Variants in CHMP7 observed in about 807,000 individuals in gnomAD.
The protein encoded by CHMP7 is charged multivesicular body protein 7, also known as CHMP family, member 7.
Under a neutral mutation model 53.7 loss-of-function variants are expected in CHMP7, and 15 were observed. That is an observed-to-expected ratio of 0.28 (90% confidence interval 0.19 to 0.43). The LOEUF (loss-of-function observed/expected upper bound fraction) is 0.43. Among genes scored for constraint, CHMP7 ranks in the 20% least tolerant of loss-of-function variants. The probability of loss-of-function intolerance (pLI) is 1.00; values close to 1 mark genes in which losing one functional copy is unlikely to be tolerated. For missense variants in CHMP7, 527 were observed against 569.4 expected (o/e 0.93, Z 0.76); for synonymous variants, 261 against 228.0 (o/e 1.14, Z -1.30).
chr8:23,252,260 A>G (rs925529136), intron 3 of CHMP7: 9 of 136,100 alleles, frequency 6.6e-5, no homozygotes, highest in African/African-American at 2.3e-4. Context: ...ATCTCCGCTC[A>G]CTGCAAGCTC....
At chr8:23,247,274 A>G (rs923232664) in intron 2 of CHMP7, among the ~76,000 whole-genome samples, 1 of 152,124 alleles carries the variant, frequency 6.6e-6, no homozygotes, top group Admixed American at 6.5e-5. Context: ...GGTGACAGTA[A>G]TTTGCCTGGA....
intron 3 of CHMP7, among the ~76,000 whole-genome samples, chr8:23,254,314 T>C (rs148391852): frequency 1.8e-4 from 27 of 152,310 alleles, no homozygotes; most frequent in African/African-American, 5.8e-4. Context: ...ATGGTGACAT[T>C]ATTTCTTGGA....
In CHMP7 at chr8:23,260,035, G is replaced by C. The variant is rs529715325; in HGVS notation, c.1121-109G>C. 4.4e-4 allele frequency: 355 copies of C among 798,204 alleles called. 6 individuals carry two copies. In the South Asian group the frequency reaches 6.1e-3, roughly 14 times the overall value. 49.4% of individuals were successfully genotyped at this position (798,204 alleles called of 1,614,324 possible). A position where few individuals can be genotyped will look rare whatever the true frequency, so the allele number is the denominator to read the frequency against. On this transcript the variant is annotated intron_variant, in intron 9 of 10. Transcript: ENST00000397677. Reference sequence around the variant, plus strand: ...GGATTTTTTTTTAATCTGCAAGGAGGCCTGGCATCTTTTGTAAAGCTAAGC... The same window carrying C: ...GGATTTTTTTTTAATCTGCAAGGAGCCCTGGCATCTTTTGTAAAGCTAAGC...
chr8:23,249,248 G>A lies in CHMP7; in HGVS notation c.338G>A (p.Ser113Asn). 6.2e-7 allele frequency: 1 copy of A among 1,609,696 alleles called. No individual in the cohort carries two copies. The highest frequency in any genetic ancestry group is 8.5e-7 in the Non-Finnish European group (1 of 1,178,070). ...ELQRESDFMA[S>N]VDSSWISWGV... is the part of the protein sequence containing the mutation. ...CAGCGGGAGTCAGACTTCATGGCCA[G>A]TGTAGACAGCAGCTGGATCTCCTGG... Residue 113 changes from serine (S) to asparagine (N), a missense_variant, in exon 3 of 11, where the codon AGT becomes AAT. Physicochemically the swap from Ser to Asn is conservative, Grantham distance 46. Coordinates refer to ENST00000397677, the MANE Select transcript of CHMP7 (RefSeq NM_152272.5).
intron 5 of CHMP7, 115 bp from the exon 6 acceptor site, chr8:23,257,918 G>A (rs1802203142): frequency 1.4e-6 from 1 of 715,864 alleles, no homozygotes; most frequent in Non-Finnish European, 2.5e-6. Context: ...CTGGGTATTG[G>A]GTTTAGTCTT....
chr8:23,250,487 C>T (rs1414318036), intron 3 of CHMP7, among the ~76,000 whole-genome samples: 1 of 152,110 alleles, frequency 6.6e-6, no homozygotes, highest in Non-Finnish European at 1.5e-5. Flanking sequence ...TGGGCCCTGC[C>T]TAGTGACTGC....
At position 23,258,713 on chromosome 8, in the gene CHMP7, A is replaced by T; in HGVS notation, c.961-19A>T. 1 of 1,552,894 alleles carries T rather than the reference A, an allele frequency of 6.4e-7. No individual in the cohort carries two copies. Among genetic ancestry groups the T allele is most frequent in the South Asian group, 1.1e-5 (1 of 89,534 alleles). ...CCAAATGTCTGTCATTTGCACTGAT[A>T]GCTTTGCTTTGTCTTTAGGTTTTTA... On this transcript the variant is annotated intron_variant, in intron 7 of 10. Coordinates refer to ENST00000397677, the MANE Select transcript of CHMP7 (RefSeq NM_152272.5).
At chr8:23,247,775 A>G (rs1353417766) in intron 2 of CHMP7, among the ~76,000 whole-genome samples, 2 of 152,196 alleles carry the variant, frequency 1.3e-5, no homozygotes, top group Non-Finnish European at 2.9e-5. Flanking sequence ...ACAGCTAGTT[A>G]AAGGTGATAC....
chr8:23,251,096 G>A (rs1801912331), intron 3 of CHMP7, among the ~76,000 whole-genome samples: 1 of 152,282 alleles, frequency 6.6e-6, no homozygotes, highest in African/African-American at 2.4e-5. Context: ...CCTCTCTGCG[G>A]TCTTTCTGTC....
Position 23,246,690 on chromosome 8 carries a change from G to T in CHMP7, c.-6G>T. 1 of 1,547,314 alleles carries T rather than the reference G, an allele frequency of 6.5e-7. No homozygotes were observed. On this transcript the variant is annotated 5_prime_UTR_variant, in exon 2 of 11. Coordinates refer to ENST00000397677, the MANE Select transcript of CHMP7 (RefSeq NM_152272.5). ...TGTTCGCAGCCTTGCCGGGGCTGGG[G>T]TTCCGATGTGGTCCCCGGAGCGGGA...
In CHMP7 at chr8:23,258,342, C is replaced by G. The variant is rs763408180; in HGVS notation, c.853C>G (p.Leu285Val). 2 of 1,614,212 alleles carry G rather than the reference C, an allele frequency of 1.2e-6. No individual in the cohort carries two copies. Among genetic ancestry groups the G allele is most frequent in the East Asian group, 4.5e-5 (2 of 44,868 alleles). ...TCCATGCCTCCAGGCACTGAGGTCT[C>G]TCAAGGCCAAGCAACGGACAGAGAA... Reference protein sequence around the residue: ...AGKKQLALRSLKAKQRTEKRI... With the variant: ...AGKKQLALRSVKAKQRTEKRI... The change falls in exon 7 of 11, where the codon CTC becomes GTC. Residue 285 changes from leucine to valine, a missense_variant. Transcript: ENST00000397677.
intron 6 of CHMP7, 124 bp downstream of exon 6, chr8:23,258,205 C>A: frequency 1.4e-6 from 2 of 1,475,202 alleles, no homozygotes; most frequent in Non-Finnish European, 1.9e-6. Flanking sequence ...GGCCCAGGCA[C>A]CACAGCTTAT....
rs1384296064 is a variant in CHMP7 at position 23,249,398 on chromosome 8, GGGTGTCTGGGTGTCACCT to G, written c.471+23_471+40del. ...CTGTTGAAGGTGGGTACTCAGAAGG[GGGTGTCTGGGTGTCACCT>G]GGTGTGATCACAGCATCCTCCACGT... On this transcript the variant is annotated intron_variant, in intron 3 of 10. Coordinates refer to ENST00000397677, the MANE Select transcript of CHMP7 (RefSeq NM_152272.5). 6.4e-7 allele frequency: 1 copy of G among 1,571,252 alleles called. No individual in the cohort carries two copies. Among genetic ancestry groups the G allele is most frequent in the Non-Finnish European group, 8.6e-7 (1 of 1,159,216 alleles).
At chr8:23,257,660 C>G (rs1032281354) in intron 5 of CHMP7, among the ~76,000 whole-genome samples, 1 of 152,226 alleles carries the variant, frequency 6.6e-6, no homozygotes, top group Non-Finnish European at 1.5e-5. Flanking sequence ...ACATTGAAGT[C>G]TGTCTTCCAG....
At position 23,259,137 on chromosome 8, in the gene CHMP7, A is replaced by G. The variant is rs756350550; in HGVS notation, c.1120+11A>G. The G allele has an allele frequency of 1.7e-5, 24 of 1,373,164 alleles. No homozygotes were observed. Among genetic ancestry groups the G allele is most frequent in the Non-Finnish European group, 2.4e-5 (24 of 986,206 alleles). The allele number at this position is 1,373,164 out of a possible 1,614,324, so 85.1% of individuals were successfully genotyped here. ...TAACAAATGGCTTAGGTGAGTGGAC[A>G]AGGTGGTTATTTTTATTTTTATTCA... On this transcript the variant is annotated intron_variant, in intron 9 of 10. Transcript: ENST00000397677.
intron 9 of CHMP7, among the ~76,000 whole-genome samples, chr8:23,259,421 C>T (rs1364579426): frequency 3.3e-5 from 5 of 151,262 alleles, no homozygotes; most frequent in East Asian, 3.9e-4. Flanking sequence ...AGTGCAGTGA[C>T]GCATTCTCGG....
At position 23,260,205 on chromosome 8, in the gene CHMP7, A is replaced by G. The variant is rs1802329305; in HGVS notation, c.1182A>G (p.Glu394=). 2 of 1,613,934 alleles carry G rather than the reference A, an allele frequency of 1.2e-6. No homozygotes were observed. Among genetic ancestry groups the G allele is most frequent in the South Asian group, 1.1e-5 (1 of 91,082 alleles). The change falls in exon 10 of 11, where the codon GAA becomes GAG. Residue 394 remains glutamate (E), a synonymous_variant. Transcript: ENST00000397677. ...LDILLQDTTK[E]PLDLPDNPRN... ...TCCTCCTTCAGGATACCACCAAAGAACCTTTGGATCTGCCTGACAACCCCC... is the reference window on the plus strand; with the variant it reads ...TCCTCCTTCAGGATACCACCAAAGAGCCTTTGGATCTGCCTGACAACCCCC...
At chr8:23,251,313 A>T (rs558543807) in intron 3 of CHMP7, among the ~76,000 whole-genome samples, 7 of 152,222 alleles carry the variant, frequency 4.6e-5, no homozygotes, top group Non-Finnish European at 8.8e-5. Flanking sequence ...TTTGTTATTT[A>T]AAAAAAATAC....
intron 9 of CHMP7, 169 bp from the exon 10 acceptor site, chr8:23,259,975 A>C: frequency 1.7e-6 from 1 of 602,502 alleles, no homozygotes; most frequent in Non-Finnish European, 2.9e-6. Context: ...GTGTGGAAGA[A>C]TCATCTCTGC....
Sources: gnomAD v4.1 joint callset for allele counts (sites outside exome capture counted in the v4.1 genomes callset) on GRCh38, gnomAD v4.1.1 for gene constraint, MANE v1.5 for transcripts, NCBI Gene and HGNC (gene_info 2026-07-23, HGNC 2026-07-21) for gene names.